The following AQP9 variants were observed in gnomAD, a reference collection of about 807,000 sequenced individuals.
AQP9 encodes aquaporin 9, also known as aquaporin-9.
A neutral mutation model predicts 23.8 loss-of-function variants in AQP9; 19 were observed. The ratio of observed to expected loss-of-function variants is 0.80; its 90% CI spans 0.56 to 1.17. The LOEUF (loss-of-function observed/expected upper bound fraction) is 1.17, where lower values mean the gene tolerates loss of function less well. Among genes scored for constraint, AQP9 ranks in the 50% most tolerant of loss-of-function variants. The pLI is 0.00. For synonymous variants in AQP9, 153 were observed against 131.5 expected (o/e 1.16, Z -1.12); for missense variants, 413 against 362.0 (o/e 1.14, Z -1.14).
At chr15:58,175,099 C>G in intron 4 of AQP9, 63 bp downstream of exon 4, 1 of 1,397,836 alleles carries the variant, frequency 7.2e-7, no homozygotes. Context: ...AAGGGGAATG[C>G]ATTGGAGAAT....
intron 1 of AQP9, among the ~76,000 whole-genome samples, chr15:58,158,696 A>G (rs1172763995): frequency 6.6e-6 from 1 of 152,212 alleles, no homozygotes; most frequent in Non-Finnish European, 1.5e-5. Context: ...CAAGAACTCT[A>G]TACACTACAA....
chr15:58,180,278 T>C (rs1898854217), intron 5 of AQP9, among the ~76,000 whole-genome samples: 1 of 152,180 alleles, frequency 6.6e-6, no homozygotes. Context: ...AATTCTACTT[T>C]AATGTTTCCT....
rs748281967 is a variant in AQP9, at chr15:58,179,335, G to C, written c.703G>C (p.Glu235Gln). The C allele has an allele frequency of 2.9e-5, 47 of 1,612,192 alleles. No individual in the cohort carries two copies. The highest frequency in any genetic ancestry group is 3.6e-5 in the Non-Finnish European group (43 of 1,179,202). ...CACTGCCTTGGCAGGCTGGGGGTTT[G>C]AAGTCTTCAGGTAAGTAACAGTGGT... Reference protein sequence around the residue: ...LFTALAGWGFEVFRAGNNFWW... With the variant: ...LFTALAGWGFQVFRAGNNFWW... Residue 235 changes from glutamate to glutamine, a missense_variant, in exon 5 of 6, where the codon GAA (glutamate) becomes CAA (glutamine). Coordinates refer to ENST00000219919, the MANE Select transcript of AQP9 (RefSeq NM_020980.5).
At chr15:58,157,587 C>G (rs1224253281) in intron 1 of AQP9, among the ~76,000 whole-genome samples, 1 of 152,150 alleles carries the variant, frequency 6.6e-6, no homozygotes. Flanking sequence ...TAGGCCCATA[C>G]TCACTTCCAG....
At chr15:58,175,189 TTTTACC>T (rs1274099668) in intron 4 of AQP9, among the ~76,000 whole-genome samples, 153 bp downstream of exon 4, 2 of 152,222 alleles carry the variant, frequency 1.3e-5, no homozygotes, top group African/African-American at 2.4e-5. Flanking sequence ...TTGATAATCG[TTTTACC>T]TTTACAAGGA....
chr15:58,144,111 G>T (rs1897997646), intron 1 of AQP9, among the ~76,000 whole-genome samples: 1 of 152,072 alleles, frequency 6.6e-6, no homozygotes, highest in South Asian at 2.1e-4. Flanking sequence ...AAACGTTTAG[G>T]TGCCTCTTTT....
intron 1 of AQP9, among the ~76,000 whole-genome samples, chr15:58,158,605 A>G (rs1470887100): frequency 6.6e-6 from 1 of 152,182 alleles, no homozygotes; most frequent in African/African-American, 2.4e-5. Context: ...ATGAGTCAAG[A>G]TGGTAAATTT....
intron 1 of AQP9, among the ~76,000 whole-genome samples, chr15:58,158,012 C>A: frequency 6.6e-6 from 1 of 152,028 alleles, no homozygotes; most frequent in African/African-American, 2.4e-5. Flanking sequence ...TGGTAAAGAC[C>A]AGGAACTATA....
intron 1 of AQP9, among the ~76,000 whole-genome samples, chr15:58,144,334 G>A (rs1898001574): frequency 6.6e-6 from 1 of 152,082 alleles, no homozygotes; most frequent in African/African-American, 2.4e-5. Flanking sequence ...TATTATCTAT[G>A]TCTGCAAGGA....
intron 5 of AQP9, 83 bp downstream of exon 5, chr15:58,179,428 G>GGAA: frequency 7.6e-7 from 1 of 1,315,482 alleles, no homozygotes; most frequent in African/African-American, 1.5e-5. Flanking sequence ...GGAGATCCAG[G>GGAA]GAAGTTCAGA....
intron 3 of AQP9, among the ~76,000 whole-genome samples, chr15:58,173,548 C>G (rs754897119): frequency 3.9e-5 from 6 of 152,058 alleles, no homozygotes; most frequent in African/African-American, 1.4e-4. Flanking sequence ...TTTCTGGTGA[C>G]AAAGGTGTGA....
chr15:58,151,448 A>C (rs547476670), intron 1 of AQP9: 1 of 152,230 alleles, frequency 6.6e-6, no homozygotes, highest in Non-Finnish European at 1.5e-5. Context: ...ATCTTACCCA[A>C]TTAAATGATA....
intron 4 of AQP9, 70 bp downstream of exon 4, chr15:58,175,106 G>A: frequency 7.5e-7 from 1 of 1,327,158 alleles, no homozygotes; most frequent in South Asian, 1.2e-5. Context: ...ATGCATTGGA[G>A]AATTAGAGAC....
intron 4 of AQP9, among the ~76,000 whole-genome samples, chr15:58,178,419 T>A (rs1898803856): frequency 6.6e-6 from 1 of 152,218 alleles, no homozygotes; most frequent in South Asian, 2.1e-4. Flanking sequence ...TTTAAAATGA[T>A]TTTTCCACGT....
intron 1 of AQP9, among the ~76,000 whole-genome samples, chr15:58,148,374 T>C (rs1173066967): frequency 6.6e-6 from 1 of 152,218 alleles, no homozygotes; most frequent in Non-Finnish European, 1.5e-5. Context: ...TCAGCTCTAC[T>C]TAACCACAAA....
In AQP9 at chr15:58,167,241, G is replaced by A. The variant is rs138539832; in HGVS notation, c.238+442G>A. Among the ~76,000 whole-genome samples, 37 of 152,326 alleles carry A rather than the reference G, an allele frequency of 2.4e-4. No homozygotes were observed. The East Asian group carries it at 6.6e-3, about 27-fold the overall frequency. On this transcript the variant is annotated intron_variant, in intron 2 of 5. Transcript: ENST00000219919. ...CAAAATGGATGGTGCTTTCATGGAC[G>A]TGCAGATCTGATCTACAAGGTCTTA...
intron 5 of AQP9, among the ~76,000 whole-genome samples, chr15:58,181,298 AGAT>A (rs1314678460): frequency 1.3e-5 from 2 of 152,230 alleles, no homozygotes; most frequent in Non-Finnish European, 2.9e-5. Context: ...TCTCCACTAA[AGAT>A]GATAAGACCT....
At chr15:58,177,679 A>G (rs1343991382) in intron 4 of AQP9, among the ~76,000 whole-genome samples, 1 of 152,228 alleles carries the variant, frequency 6.6e-6, no homozygotes, top group East Asian at 1.9e-4. Context: ...TGAGAATAAT[A>G]GCAGGATTTA....
intron 1 of AQP9, chr15:58,152,198 T>C (rs1419431591): frequency 6.6e-6 from 1 of 152,194 alleles, no homozygotes; most frequent in Non-Finnish European, 1.5e-5. Flanking sequence ...CTTCCACTAA[T>C]AGCCTCTTGA....
Sources: allele counts gnomAD v4.1 joint callset (sites outside exome capture counted in the v4.1 genomes callset), GRCh38; gene constraint gnomAD v4.1.1; transcripts MANE v1.5; gene names NCBI Gene and HGNC (gene_info 2026-07-23, HGNC 2026-07-21).